COLEC12: variants seen among roughly 807,000 people sequenced by gnomAD.
COLEC12 encodes the protein collectin subfamily member 12.
Under a neutral mutation model 71.1 loss-of-function variants are expected in COLEC12, and 33 were observed. The observed-to-expected ratio is 0.46, with a 90% confidence interval of 0.35 to 0.62. COLEC12 has a LOEUF of 0.62. COLEC12 is among the 20% of genes least tolerant of loss of function. The pLI, the probability that COLEC12 is intolerant of heterozygous loss-of-function variation, is 0.00. For missense variants in COLEC12, 765 were observed against 916.1 expected, an observed-to-expected ratio of 0.84 and a Z score of 2.13; for synonymous variants, 350 against 353.0, an observed-to-expected ratio of 0.99 and a Z score of 0.10.
chr18:399,887 TC>T lies in COLEC12; in HGVS notation c.59-42366del, dbSNP rs1474016686. ...CAGTTTGCTTGGGACTAGCCCAGCT[TC>T]TAACAGCCCCCAGTTTTTGGCTTGA... On this transcript the variant is annotated intron_variant, in intron 2 of 9. Coordinates refer to ENST00000400256, the MANE Select transcript of COLEC12 (RefSeq NM_130386.3). The surrounding 1 kb of genome is among the most constrained non-coding windows in gnomAD (Gnocchi z 4.0). 6.6e-6 allele frequency among the ~76,000 whole-genome samples: 1 copy of T among 152,166 alleles called. No homozygotes were observed. The highest frequency in any genetic ancestry group is 1.5e-5 in the Non-Finnish European group (1 of 68,014).
intron 2 of COLEC12, among the ~76,000 whole-genome samples, chr18:378,569 C>A (rs1326389579): frequency 6.6e-6 from 1 of 152,166 alleles, no homozygotes; most frequent in Non-Finnish European, 1.5e-5. Context: ...CAATTCTCGA[C>A]CTCCAGGGCC....
chr18:386,103 G>C (rs115884097), intron 2 of COLEC12, among the ~76,000 whole-genome samples: 3 of 99,384 alleles, frequency 3.0e-5, no homozygotes, highest in East Asian at 4.1e-4. Context: ...TTTTGTGGGT[G>C]GGGGAGAAGG....
chr18:363,416 T>C (rs984482541), intron 2 of COLEC12, among the ~76,000 whole-genome samples: 1 of 152,182 alleles, frequency 6.6e-6, no homozygotes, highest in Non-Finnish European at 1.5e-5. Flanking sequence ...TATAGCTCAG[T>C]GGTGTTGCCA....
rs369700365 is a variant in COLEC12 at position 480,546 on chromosome 18, C to G, written c.58+161G>C. On this transcript the variant is annotated intron_variant, in intron 2 of 9. Coordinates refer to ENST00000400256, the MANE Select transcript of COLEC12 (RefSeq NM_130386.3). The surrounding 1 kb of genome is among the most constrained non-coding windows in gnomAD (Gnocchi z 4.1). ...CTCAGAATTGTGAGAAACCCTCCCC[C>G]TGGGACACAGACACTCACTTTCCAA... Among the ~76,000 whole-genome samples the G allele has an allele frequency of 6.9e-4, 105 of 152,252 alleles. No individual in the cohort carries two copies. In the South Asian group the frequency reaches 0.012, roughly 17 times the overall value.
rs370526183 is a variant in COLEC12 at position 441,218 on chromosome 18, A to C, written c.58+39489T>G. Reference sequence around the variant, plus strand: ...AGCCGAGATTGTGCCACTGCACTCCAGCCTGGGCGACAGAGCGAGACTCTG... The same window carrying C: ...AGCCGAGATTGTGCCACTGCACTCCCGCCTGGGCGACAGAGCGAGACTCTG... On this transcript the variant is annotated intron_variant, in intron 2 of 9. Coordinates refer to ENST00000400256, the MANE Select transcript of COLEC12 (RefSeq NM_130386.3). 2.6e-4 allele frequency among the ~76,000 whole-genome samples: 39 copies of C among 151,582 alleles called. No homozygotes were observed. In the East Asian group the frequency reaches 6.8e-3, roughly 27 times the overall value.
intron 1 of COLEC12, among the ~76,000 whole-genome samples, chr18:491,156 G>A (rs1211405044): frequency 6.6e-6 from 1 of 152,178 alleles, no homozygotes; most frequent in African/African-American, 2.4e-5. Flanking sequence ...TGTATCCCTG[G>A]GGCCATCAGG....
intron 2 of COLEC12, among the ~76,000 whole-genome samples, chr18:464,462 A>T (rs1461468538): frequency 6.6e-6 from 1 of 152,148 alleles, no homozygotes; most frequent in Non-Finnish European, 1.5e-5. Context: ...CTCAGCCTTA[A>T]GGCACTTTCT....
intron 8 of COLEC12, among the ~76,000 whole-genome samples, chr18:323,359 TCTCA>T (rs1555612030): frequency 6.6e-6 from 1 of 152,084 alleles, no homozygotes; most frequent in Non-Finnish European, 1.5e-5. Context: ...TAGAAAATAG[TCTCA>T]CTCACTCACT....
chr18:365,205 A>G (rs1914828811), intron 2 of COLEC12, among the ~76,000 whole-genome samples: 1 of 152,244 alleles, frequency 6.6e-6, no homozygotes, highest in Admixed American at 6.5e-5. Flanking sequence ...TCTGCCGGCT[A>G]TAATTTCTCC....
chr18:461,367 C>A (rs1427369020), intron 2 of COLEC12, among the ~76,000 whole-genome samples: 1 of 152,018 alleles, frequency 6.6e-6, no homozygotes, highest in South Asian at 2.1e-4. Context: ...GAGAGGTTTT[C>A]TTTTTTAAAA....
At chr18:342,803 AACAACAAG>A (rs1169443029) in intron 5 of COLEC12, among the ~76,000 whole-genome samples, 4 of 152,236 alleles carry the variant, frequency 2.6e-5, no homozygotes, top group Admixed American at 2.6e-4. Context: ...AAGTGCAGTG[AACAACAAG>A]ACCAGTGATA....
Position 357,395 on chromosome 18 carries a change from C to T in COLEC12, c.181+5G>A, listed in dbSNP as rs1914650406. 2 of 1,587,714 alleles carry T rather than the reference C, an allele frequency of 1.3e-6. No homozygotes were observed. The highest frequency in any genetic ancestry group is 1.9e-5 in the Admixed American group (1 of 52,386). The stretch of plus-strand genomic sequence containing the variant: ...TTTGGAAGAAAAAAAAGAAAGCATG[C>T]TTACCTTTATATCCCAAAATGGCTA... On this transcript the variant is annotated splice_donor_5th_base_variant and intron_variant, in intron 3 of 9. Coordinates refer to ENST00000400256, the MANE Select transcript of COLEC12 (RefSeq NM_130386.3).
intron 5 of COLEC12, among the ~76,000 whole-genome samples, chr18:344,951 C>G (rs141726195): frequency 1.3e-5 from 2 of 152,362 alleles, no homozygotes; most frequent in East Asian, 3.9e-4. Flanking sequence ...AGAGTCCTGC[C>G]ATCTGCTATC....
rs1362784898 is a variant in COLEC12 at position 327,998 on chromosome 18, C to CT, written c.2063+3669dup. Among the ~76,000 whole-genome samples, 18 of 151,358 alleles carry CT rather than the reference C, an allele frequency of 1.2e-4. No individual in the cohort carries two copies. Among genetic ancestry groups the CT allele is most frequent in the South Asian group, 4.2e-4 (2 of 4,774 alleles). ...ATTAGGCTGGCCAGGCTATTTCTTC[C>CT]TTTTTTTTTCCTCGTTTTTTTAAGA... On this transcript the variant is annotated intron_variant, in intron 8 of 9. Coordinates refer to ENST00000400256, the MANE Select transcript of COLEC12 (RefSeq NM_130386.3). The surrounding 1 kb of genome is among the most constrained non-coding windows in gnomAD (Gnocchi z 4.0).
intron 2 of COLEC12, among the ~76,000 whole-genome samples, chr18:465,228 G>A (rs567494878): frequency 6.6e-6 from 1 of 152,150 alleles, no homozygotes; most frequent in South Asian, 2.1e-4. Context: ...CCAGCCTCCC[G>A]AGTAGCTGGG....
chr18:384,548 C>T (rs956133227), intron 2 of COLEC12, among the ~76,000 whole-genome samples: 1 of 152,126 alleles, frequency 6.6e-6, no homozygotes, highest in Admixed American at 6.5e-5. Flanking sequence ...TTCAGCTCAA[C>T]CTAAAAAGAG....
chr18:354,788 G>T (rs1216329200), intron 3 of COLEC12, among the ~76,000 whole-genome samples: 1 of 151,994 alleles, frequency 6.6e-6, no homozygotes, highest in Non-Finnish European at 1.5e-5. Flanking sequence ...TGAAGGAGGG[G>T]GGCACTGAAG....
intron 2 of COLEC12, among the ~76,000 whole-genome samples, chr18:391,313 C>A (rs1847976776): frequency 6.6e-6 from 1 of 152,106 alleles, no homozygotes; most frequent in South Asian, 2.1e-4. Flanking sequence ...TGTGTGTGCG[C>A]AAACAGAGAA....
chr18:452,233 T>C (rs1315397109), intron 2 of COLEC12, among the ~76,000 whole-genome samples: 4 of 152,214 alleles, frequency 2.6e-5, no homozygotes, highest in Admixed American at 2.6e-4. Flanking sequence ...ATGATTTAGA[T>C]TAAGAGCTTG....
Sources: allele counts gnomAD v4.1 joint callset (sites outside exome capture counted in the v4.1 genomes callset), GRCh38; gene constraint gnomAD v4.1.1; non-coding constraint Gnocchi (gnomAD v3.1); transcripts MANE v1.5; gene names NCBI Gene and HGNC (gene_info 2026-07-23, HGNC 2026-07-21).